Variants in SH3RF1 observed in about 807,000 individuals in gnomAD.
SH3RF1 encodes the protein SH3 domain containing ring finger 1, also known as E3 ubiquitin-protein ligase SH3RF1.
A neutral mutation model predicts 74.0 loss-of-function variants in SH3RF1; 32 were observed. The ratio of observed to expected loss-of-function variants is 0.43; its 90% CI spans 0.33 to 0.58. The LOEUF (loss-of-function observed/expected upper bound fraction) is 0.58. Among genes scored for constraint, SH3RF1 ranks in the 20% least tolerant of loss-of-function variants. The pLI, the probability that SH3RF1 is intolerant of heterozygous loss-of-function variation, is 0.05. For missense variants in SH3RF1, 954 were observed against 1,130.9 expected, an observed-to-expected ratio of 0.84 and a Z score of 2.24; for synonymous variants, 396 against 439.6, an observed-to-expected ratio of 0.90 and a Z score of 1.24.
At chr4:169,264,278 G>A (rs1174943547) in intron 2 of SH3RF1, among the ~76,000 whole-genome samples, 4 of 152,146 alleles carry the variant, frequency 2.6e-5, no homozygotes, top group Non-Finnish European at 5.9e-5. Flanking sequence ...GTCTTCACAT[G>A]GTCTTCCCTA....
At chr4:169,200,797 G>T (rs1579133810) in intron 2 of SH3RF1, among the ~76,000 whole-genome samples, 1 of 152,138 alleles carries the variant, frequency 6.6e-6, no homozygotes, top group Admixed American at 6.5e-5. Flanking sequence ...GAGTAGTCTG[G>T]TGAGACAGGT....
At chr4:169,226,284 C>T (rs1001108231) in intron 2 of SH3RF1, among the ~76,000 whole-genome samples, 1 of 152,086 alleles carries the variant, frequency 6.6e-6, no homozygotes, top group Non-Finnish European at 1.5e-5. Context: ...AATTTAAACT[C>T]CCACTTGGTT....
At chr4:169,211,870 T>C (rs1561054284) in intron 2 of SH3RF1, among the ~76,000 whole-genome samples, 1 of 152,130 alleles carries the variant, frequency 6.6e-6, no homozygotes, top group Admixed American at 6.5e-5. Context: ...CACCATCTCT[T>C]GGAGAGGGGG....
At position 169,116,394 on chromosome 4, in the gene SH3RF1, C is replaced by T. The variant is rs1400630652; in HGVS notation, c.2014G>A (p.Ala672Thr). ...CCACTGGGCTCAGCCTCCAGAGAAG[C>T]ACTGGTGATGCTTGGGGAAGTCAGT... ...APLTSPSITS[A>T]SLEAEPSGRI... Residue 672 changes from alanine (A) to threonine (T), a missense_variant, in exon 10 of 12, where the codon GCT becomes ACT. Around this residue, in one of 3 missense-constraint regions of SH3RF1, gnomAD observed 854 missense variants for 962.5 expected, o/e 0.89. Coordinates refer to ENST00000284637, the MANE Select transcript of SH3RF1 (RefSeq NM_020870.4). The T allele has an allele frequency of 7.4e-6, 12 of 1,614,060 alleles. No homozygotes were observed. Among genetic ancestry groups the T allele is most frequent in the Non-Finnish European group, 1.0e-5 (12 of 1,180,040 alleles).
chr4:169,109,425 G>T (rs1733203789), intron 10 of SH3RF1, among the ~76,000 whole-genome samples: 1 of 152,158 alleles, frequency 6.6e-6, no homozygotes, highest in African/African-American at 2.4e-5. Context: ...GACTTCTAAG[G>T]GATGTCTTAT....
At chr4:169,237,569 C>T (rs761192523) in intron 2 of SH3RF1, among the ~76,000 whole-genome samples, 2 of 152,108 alleles carry the variant, frequency 1.3e-5, no homozygotes, top group Non-Finnish European at 2.9e-5. Context: ...CACCAGCATG[C>T]TAAAAATATG....
At chr4:169,209,595 C>A (rs1376190203) in intron 2 of SH3RF1, among the ~76,000 whole-genome samples, 1 of 152,146 alleles carries the variant, frequency 6.6e-6, no homozygotes, top group Non-Finnish European at 1.5e-5. Context: ...TGGTGAGAGT[C>A]AGTAAGCACT....
intron 2 of SH3RF1, among the ~76,000 whole-genome samples, chr4:169,241,715 T>G (rs1730914030): frequency 6.6e-6 from 1 of 152,174 alleles, no homozygotes. Flanking sequence ...TGAAACAAAA[T>G]CCTGCTGAAA....
intron 2 of SH3RF1, among the ~76,000 whole-genome samples, chr4:169,232,305 G>A (rs912499465): frequency 1.1e-4 from 17 of 152,224 alleles, no homozygotes; most frequent in African/African-American, 3.4e-4. Context: ...GAATGAAATG[G>A]AGGAAGCAGA....
chr4:169,156,793 C>T, intron 2 of SH3RF1, 114 bp from the exon 3 acceptor site: 1 of 950,378 alleles, frequency 1.1e-6, no homozygotes, highest in Non-Finnish European at 1.5e-6. Context: ...CACTGTAACC[C>T]TTGAAGAAAA....
rs182382509 is a variant in SH3RF1, at chr4:169,195,489, C to T, written c.394-38810G>A. ...GTTATTTATCAGTGTTACAAAGTTC[C>T]CAGCCATTTTCTATTCAAATACTGC... On this transcript the variant is annotated intron_variant, in intron 2 of 11. Transcript: ENST00000284637. Among the ~76,000 whole-genome samples, 92 of 152,112 alleles carry T rather than the reference C, an allele frequency of 6.0e-4. 1 individual carries two copies. In the East Asian group the frequency reaches 0.017, roughly 28 times the overall value.
intron 8 of SH3RF1, among the ~76,000 whole-genome samples, chr4:169,119,713 G>A (rs1381335462): frequency 6.6e-6 from 1 of 152,178 alleles, no homozygotes; most frequent in Non-Finnish European, 1.5e-5. Context: ...CAACAACAGT[G>A]ATTTTCATTT....
chr4:169,222,762 T>C (rs547106496), intron 2 of SH3RF1, among the ~76,000 whole-genome samples: 135 of 152,310 alleles, frequency 8.9e-4, no homozygotes, highest in African/African-American at 3.0e-3. Flanking sequence ...AAAGAACTTA[T>C]GTTAACAACT....
chr4:169,176,528 T>C (rs1263418376), intron 2 of SH3RF1, among the ~76,000 whole-genome samples: 1 of 152,112 alleles, frequency 6.6e-6, no homozygotes, highest in Non-Finnish European at 1.5e-5. Flanking sequence ...AAGATGAACA[T>C]AAATGTTGAG....
intron 2 of SH3RF1, among the ~76,000 whole-genome samples, chr4:169,259,134 T>G (rs1004121741): frequency 2.0e-5 from 3 of 152,216 alleles, no homozygotes; most frequent in African/African-American, 7.2e-5. Context: ...TTCACTCCTG[T>G]TCATTCATTC....
chr4:169,199,768 T>C (rs1013085252), intron 2 of SH3RF1, among the ~76,000 whole-genome samples: 1 of 151,742 alleles, frequency 6.6e-6, no homozygotes, highest in African/African-American at 2.4e-5. Context: ...GAAAGCGAAA[T>C]GGATAAAAAG....
intron 2 of SH3RF1, among the ~76,000 whole-genome samples, chr4:169,268,324 C>T (rs1731386718): frequency 6.6e-6 from 1 of 152,154 alleles, no homozygotes; most frequent in Non-Finnish European, 1.5e-5. Context: ...ATTCCACCAA[C>T]GAGTAAATTC....
intron 2 of SH3RF1, among the ~76,000 whole-genome samples, chr4:169,224,341 G>A (rs927472458): frequency 5.8e-4 from 85 of 146,078 alleles, no homozygotes; most frequent in African/African-American, 1.9e-3. Context: ...TTTTTGAAAT[G>A]GAGTCTTGCT....
intron 2 of SH3RF1, among the ~76,000 whole-genome samples, chr4:169,195,380 A>G (rs1324518638): frequency 6.6e-6 from 1 of 152,126 alleles, no homozygotes; most frequent in African/African-American, 2.4e-5. Flanking sequence ...TTTTATTAGC[A>G]TTACAGTGAT....
Sources: gnomAD v4.1 joint callset for allele counts (sites outside exome capture counted in the v4.1 genomes callset) on GRCh38, gnomAD v4.1.1 for gene constraint, gnomAD v4.1.1 regional missense constraint, MANE v1.5 for transcripts, NCBI Gene and HGNC (gene_info 2026-07-23, HGNC 2026-07-21) for gene names.